Variants in RIF1 observed in about 807,000 individuals in gnomAD.
The protein encoded by RIF1 is replication timing regulatory factor 1, also known as telomere-associated protein RIF1.
Under a neutral mutation model 247.1 loss-of-function variants are expected in RIF1, and 45 were observed. The ratio of observed to expected loss-of-function variants is 0.18; its 90% CI spans 0.14 to 0.23. The LOEUF (loss-of-function observed/expected upper bound fraction) is 0.23. RIF1 is among the 10% of genes least tolerant of loss of function. The probability of loss-of-function intolerance (pLI) is 1.00; values close to 1 mark genes in which losing one functional copy is unlikely to be tolerated. For missense variants in RIF1, 2,967 were observed against 2,862.5 expected, an observed-to-expected ratio of 1.04 and a Z score of -0.83; for synonymous variants, 1,087 against 978.8, an observed-to-expected ratio of 1.11 and a Z score of -2.06.
chr2:151,513,508 CAGAG>C, the RIF1 span: 2 of 1,091,910 alleles, frequency 1.8e-6, no homozygotes, highest in Non-Finnish European at 2.7e-6. Flanking sequence ...AATCAGATGA[CAGAG>C]GGACACTTTA....
chr2:151,445,379 T>C lies in RIF1; in HGVS notation c.2028T>C (p.Phe676=), dbSNP rs755302615. The change falls in exon 19 of 36, where the codon TTT becomes TTC. Residue 676 remains phenylalanine, a synonymous_variant. Coordinates refer to ENST00000444746, the MANE Select transcript of RIF1 (RefSeq NM_018151.5). ...AAGGTGATGCCTTAGAACATAATTT[T>C]AGTGCCATCTATGGTGCATTGACTT... ...VNQGDALEHN[F]SAIYGALTLP... 24 of 1,610,468 alleles carry C rather than the reference T, an allele frequency of 1.5e-5. No individual in the cohort carries two copies. The highest frequency in any genetic ancestry group is 1.8e-5 in the Non-Finnish European group (21 of 1,176,660).
At chr2:151,412,429 T>C (rs1375321088) in intron 3 of RIF1, among the ~76,000 whole-genome samples, 1 of 152,162 alleles carries the variant, frequency 6.6e-6, no homozygotes, top group Non-Finnish European at 1.5e-5. Context: ...CAAGCGATCC[T>C]CCCACCTCAG....
rs1246480294 is a variant in RIF1, at chr2:151,461,296, A to G, written c.3227+7A>G. ...AAGTTCTCAAAACAAAGCGGTTTGT[A>G]GGCCTTTTATCTTGAGTTGGGTATT... is the stretch of plus-strand genomic sequence containing the variant. On this transcript the variant is annotated splice_region_variant and intron_variant, in intron 27 of 35. Transcript: ENST00000444746. 2 of 1,610,108 alleles carry G rather than the reference A, an allele frequency of 1.2e-6. No homozygotes were observed. The highest frequency in any genetic ancestry group is 2.7e-5 in the African/African-American group (2 of 74,706).
chr2:151,435,041 A>G (rs1216967346), intron 10 of RIF1, among the ~76,000 whole-genome samples: 1 of 152,132 alleles, frequency 6.6e-6, no homozygotes, highest in African/African-American at 2.4e-5. Flanking sequence ...ATCATAATGA[A>G]TTTTCCAAAT....
chr2:151,464,129 C>G lies in RIF1; in HGVS notation c.4609C>G (p.Gln1537Glu). The change falls in exon 30 of 36, where the codon CAA becomes GAA. Residue 1537 changes from glutamine to glutamate, a missense_variant. By Grantham distance (29) the Gln-to-Glu change is conservative. Around this residue, in one of 7 missense-constraint regions of RIF1, gnomAD observed 2,028 missense variants for 1,825.6 expected, o/e 1.11. Transcript: ENST00000444746. ...ACTAGTCAGAGGCCGAACACGGTAT[C>G]AAACTAGAAGAGCATCTCAGGGTTT... ...EKLVRGRTRY[Q>E]TRRASQGLLS... is the part of the protein sequence containing the mutation. The G allele has an allele frequency of 1.2e-6, 2 of 1,611,848 alleles. No homozygotes were observed. Among genetic ancestry groups the G allele is most frequent in the Non-Finnish European group, 1.7e-6 (2 of 1,179,506 alleles).
intron 6 of RIF1, among the ~76,000 whole-genome samples, chr2:151,418,965 ATTCT>A (rs1307095598): frequency 2.0e-5 from 2 of 101,806 alleles, no homozygotes; most frequent in Non-Finnish European, 3.9e-5. Flanking sequence ...GGAGCCTTAA[ATTCT>A]TTTTTTTTTT....
At chr2:151,458,992 C>T in intron 25 of RIF1, 82 bp downstream of exon 25, 2 of 760,490 alleles carry the variant, frequency 2.6e-6, no homozygotes, top group Non-Finnish European at 4.2e-6. Flanking sequence ...AGAACCTGAA[C>T]AGAAAAGAGT....
In RIF1 at chr2:151,420,177, T is replaced by A. The variant is rs975935726; in HGVS notation, c.504-13T>A. 6 of 1,598,080 alleles carry A rather than the reference T, an allele frequency of 3.8e-6. No individual in the cohort carries two copies. The highest frequency in any genetic ancestry group is 1.7e-4 in the Middle Eastern group (1 of 6,002). On this transcript the variant is annotated splice_polypyrimidine_tract_variant and intron_variant, in intron 6 of 35. Coordinates refer to ENST00000444746, the MANE Select transcript of RIF1 (RefSeq NM_018151.5). ...GAGGTCACGCTAATTATTCATTGAT[T>A]TCTCTATTATAGGCTAATTGAACAA...
rs771340437 is a variant in RIF1 at position 151,414,958 on chromosome 2, A to G, written c.280+39A>G. On this transcript the variant is annotated intron_variant, in intron 4 of 35. Coordinates refer to ENST00000444746, the MANE Select transcript of RIF1 (RefSeq NM_018151.5). ...TTATGACTTAATATTTTTAGAGTATAAAGTATAAGTTTTAAGTATAAGTAG... is the reference window on the plus strand; with the variant it reads ...TTATGACTTAATATTTTTAGAGTATGAAGTATAAGTTTTAAGTATAAGTAG... 7 of 1,295,502 alleles carry G rather than the reference A, an allele frequency of 5.4e-6. No individual in the cohort carries two copies. The African/African-American group carries it at 6.0e-5, about 11-fold the overall frequency. 80.3% of individuals were successfully genotyped at this position (1,295,502 alleles called of 1,614,324 possible). A position where few individuals can be genotyped will look rare whatever the true frequency, so the allele number is the denominator to read the frequency against.
chr2:151,475,241 C>A lies in RIF1; in HGVS notation c.*170C>A. 1.7e-6 allele frequency: 1 copy of A among 587,996 alleles called. No homozygotes were observed. Among genetic ancestry groups the A allele is most frequent in the Non-Finnish European group, 3.0e-6 (1 of 337,164 alleles). 36.4% of individuals were successfully genotyped at this position (587,996 alleles called of 1,614,324 possible). On this transcript the variant is annotated 3_prime_UTR_variant, in exon 36 of 36. Coordinates refer to ENST00000444746, the MANE Select transcript of RIF1 (RefSeq NM_018151.5). ...TTATGTAAGTTCAATTTTGTAAGTT[C>A]ATTATGTAAGATCCTTTTTTTTTTC...
At chr2:151,490,546 T>G (rs1332855835) in intron 9 of RIF1, 2 of 1,602,354 alleles carry the variant, frequency 1.2e-6, no homozygotes, top group Admixed American at 3.4e-5. Context: ...GGGGGAGATG[T>G]AGCAAACATG....
rs183536203 is a variant in RIF1 at position 151,409,972 on chromosome 2, C to T, written c.-72C>T. 252 of 702,110 alleles carry T rather than the reference C, an allele frequency of 3.6e-4. 1 individual carries two copies. The highest frequency in any genetic ancestry group is 1.8e-3 in the Middle Eastern group (8 of 4,366). 43.5% of individuals were successfully genotyped at this position (702,110 alleles called of 1,614,324 possible). On this transcript the variant is annotated 5_prime_UTR_variant, in exon 1 of 36. Coordinates refer to ENST00000444746, the MANE Select transcript of RIF1 (RefSeq NM_018151.5). ...AACAGCCGGAGCTGGGAAAGTCGAGCTCTGGCAGCGTCTGGGTGCTGAGGG... is the reference window on the plus strand; with the variant it reads ...AACAGCCGGAGCTGGGAAAGTCGAGTTCTGGCAGCGTCTGGGTGCTGAGGG...
chr2:151,410,484 G>C lies in RIF1; in HGVS notation c.61G>C (p.Ala21Pro). 1 of 1,614,096 alleles carries C rather than the reference G, an allele frequency of 6.2e-7. No homozygotes were observed. The highest frequency in any genetic ancestry group is 2.2e-5 in the East Asian group (1 of 44,860). Residue 21 changes from alanine (A) to proline (P), a missense_variant, in exon 2 of 36, where the codon GCC (alanine) becomes CCC (proline). Physicochemically the swap from Ala to Pro is conservative, Grantham distance 27 (BLOSUM62 -1). This residue lies in a region of RIF1 where 269 missense variants were observed against 288.6 expected (regional missense o/e 0.93). Coordinates refer to ENST00000444746, the MANE Select transcript of RIF1 (RefSeq NM_018151.5). The stretch of plus-strand genomic sequence containing the variant: ...GTTGGAGACTTTGGAAGACCCTTCT[G>C]CCTCCCATGGAGGGCAGACTGACGC... The part of the protein sequence containing the change: ...PLLETLEDPS[A>P]SHGGQTDAYL...
rs1696109945 is a variant in RIF1 at position 151,461,267 on chromosome 2, AAAG to A, written c.3209_3211del (p.Glu1070del). The A allele has an allele frequency of 6.2e-7, 1 of 1,612,840 alleles. No homozygotes were observed. The highest frequency in any genetic ancestry group is 1.7e-5 in the Admixed American group (1 of 59,824). On this transcript the variant is annotated inframe_deletion, in exon 27 of 36. Coordinates refer to ENST00000444746, the MANE Select transcript of RIF1 (RefSeq NM_018151.5). ...GGAAAGAATATTAACTGATCATCAA[AAAG>A]AAGTTCTCAAAACAAAGCGGTTTGT...
intron 6 of RIF1, among the ~76,000 whole-genome samples, chr2:151,417,216 A>C (rs951080740): frequency 7.9e-5 from 12 of 152,194 alleles, no homozygotes; most frequent in African/African-American, 2.9e-4. Flanking sequence ...GTAAACTCAT[A>C]AGTGGGCTTG....
chr2:151,501,336 T>C, intron 11 of RIF1: 1 of 1,218,978 alleles, frequency 8.2e-7, no homozygotes, highest in Non-Finnish European at 1.2e-6. Flanking sequence ...AGATGTTCTG[T>C]TTTGTAGAAA....
At chr2:151,426,010 A>G (rs1689008117) in intron 8 of RIF1, among the ~76,000 whole-genome samples, 1 of 150,852 alleles carries the variant, frequency 6.6e-6, no homozygotes, top group Non-Finnish European at 1.5e-5. Context: ...AATTGAACAT[A>G]GGTGTAAAGA....
At chr2:151,459,939 A>G in intron 25 of RIF1, 61 bp from the exon 26 acceptor site, 1 of 1,364,172 alleles carries the variant, frequency 7.3e-7, no homozygotes, top group South Asian at 1.4e-5. Flanking sequence ...CAAAACGTGA[A>G]AAGGAAAAGC....
Position 151,457,863 on chromosome 2 carries a change from A to G in RIF1, c.2755A>G (p.Ile919Val). 1 of 1,613,904 alleles carries G rather than the reference A, an allele frequency of 6.2e-7. No homozygotes were observed. The highest frequency in any genetic ancestry group is 2.2e-5 in the East Asian group (1 of 44,818). Residue 919 changes from isoleucine (I) to valine (V), a missense_variant, in exon 24 of 36, where the codon ATA becomes GTA. This residue lies in a region of RIF1 where 2,028 missense variants were observed against 1,825.6 expected (regional missense o/e 1.11). Coordinates refer to ENST00000444746, the MANE Select transcript of RIF1 (RefSeq NM_018151.5). ...ACAACTCTCCCCACTATTATGCATAATATTTCTGCACAAGAATAAACAGAT... is the reference window on the plus strand; with the variant it reads ...ACAACTCTCCCCACTATTATGCATAGTATTTCTGCACAAGAATAAACAGAT... ...LEQLSPLLCI[I>V]FLHKNKQIRK... is the part of the protein sequence containing the mutation.
Sources: gnomAD v4.1 joint callset for allele counts (sites outside exome capture counted in the v4.1 genomes callset) on GRCh38, gnomAD v4.1.1 for gene constraint, gnomAD v4.1.1 regional missense constraint, MANE v1.5 for transcripts, NCBI Gene and HGNC (gene_info 2026-07-23, HGNC 2026-07-21) for gene names.